Variants in UCK2 observed in about 807,000 individuals in gnomAD.
The protein encoded by UCK2 is cytidine monophosphokinase 2.
Under a neutral mutation model 30.8 loss-of-function variants are expected in UCK2, and 6 were observed. The ratio of observed to expected loss-of-function variants is 0.19; its 90% CI spans 0.11 to 0.38. UCK2 has a LOEUF of 0.38. Among genes scored for constraint, UCK2 ranks in the 10% least tolerant of loss-of-function variants. The pLI is 1.00. For missense variants in UCK2, 210 were observed against 339.8 expected, an observed-to-expected ratio of 0.62 and a Z score of 3.00; for synonymous variants, 125 against 133.6, an observed-to-expected ratio of 0.94 and a Z score of 0.45.
intron 4 of UCK2, among the ~76,000 whole-genome samples, chr1:165,899,489 A>C (rs1647384192): frequency 6.6e-6 from 1 of 152,146 alleles, no homozygotes; most frequent in Non-Finnish European, 1.5e-5. Context: ...AAAGTGATTG[A>C]CTTCACCATT....
intron 1 of UCK2, among the ~76,000 whole-genome samples, chr1:165,841,097 A>G (rs990728732): frequency 8.3e-5 from 11 of 132,310 alleles, no homozygotes; most frequent in East Asian, 2.4e-4. Context: ...GTGCACACGT[A>G]TGTGTGTGTG....
Position 165,856,543 on chromosome 1 carries a change from G to A in UCK2, c.99+28611G>A, listed in dbSNP as rs1415992363. ...TTAACCACACTACCCTTGGTTCTTA[G>A]TTTAAAAATTTAGTTGACATTCCTG... On this transcript the variant is annotated intron_variant, in intron 1 of 6. Transcript: ENST00000367879. 2.1e-5 allele frequency among the ~76,000 whole-genome samples: 3 copies of A among 143,500 alleles called. No individual in the cohort carries two copies. In the East Asian group the frequency reaches 6.2e-4, roughly 30 times the overall value. The allele number at this position is 143,500 out of a possible 152,430, so 94.1% of individuals were successfully genotyped here. A position where few individuals can be genotyped will look rare whatever the true frequency, so the allele number is the denominator to read the frequency against.
intron 1 of UCK2, among the ~76,000 whole-genome samples, chr1:165,871,729 T>TA (rs555239139): frequency 1.5e-4 from 22 of 148,098 alleles, no homozygotes; most frequent in East Asian, 7.8e-4. Flanking sequence ...AGAGGGAAGT[T>TA]AAAAAAAAAA....
At position 165,896,336 on chromosome 1, in the gene UCK2, C is replaced by T; in HGVS notation, c.499+4C>T. The T allele has an allele frequency of 1.9e-6, 3 of 1,613,816 alleles. No individual in the cohort carries two copies. The highest frequency in any genetic ancestry group is 2.5e-6 in the Non-Finnish European group (3 of 1,179,964). On this transcript the variant is annotated splice_donor_region_variant and intron_variant, in intron 4 of 6. Transcript: ENST00000367879. ...GACACCCGGCTCTCACGCAGAGGTG[C>T]GTTCTAAAAGCCTCAGGTGGCCCTG...
At chr1:165,835,097 A>G (rs1467901502) in intron 1 of UCK2, among the ~76,000 whole-genome samples, 2 of 152,046 alleles carry the variant, frequency 1.3e-5, no homozygotes, top group East Asian at 1.9e-4. Context: ...TAGAAGTCCA[A>G]AGTTCTGTGT....
chr1:165,873,632 C>T (rs1655257841), intron 1 of UCK2, among the ~76,000 whole-genome samples: 1 of 152,132 alleles, frequency 6.6e-6, no homozygotes, highest in Admixed American at 6.5e-5. Context: ...TCAGTAAAAC[C>T]TCCATATTCT....
rs1647538559 is a variant in UCK2 at position 165,903,205 on chromosome 1, G to A, written c.523G>A (p.Gly175Ser). Residue 175 changes from glycine (G) to serine (S), a missense_variant, in exon 5 of 7, where the codon GGC becomes AGC. Gly to Ser is a moderately conservative substitution (Grantham distance 56, BLOSUM62 0). Around this residue, in one of 4 missense-constraint regions of UCK2, gnomAD observed 47 missense variants for 128.7 expected, o/e 0.37. Coordinates refer to ENST00000367879, the MANE Select transcript of UCK2 (RefSeq NM_012474.5). Reference protein sequence around the residue: ...RRVLRDISERGRDLEQILSQY... With the variant: ...RRVLRDISERSRDLEQILSQY... ...AGTATTAAGGGACATCAGCGAGAGA[G>A]GCAGGGATCTTGAGCAGATTTTATC... 1 of 1,613,996 alleles carries A rather than the reference G, an allele frequency of 6.2e-7. No homozygotes were observed. Among genetic ancestry groups the A allele is most frequent in the Non-Finnish European group, 8.5e-7 (1 of 1,179,996 alleles).
intron 1 of UCK2, among the ~76,000 whole-genome samples, chr1:165,852,099 G>A (rs1218947141): frequency 2.6e-5 from 4 of 152,114 alleles, no homozygotes; most frequent in Non-Finnish European, 2.9e-5. Context: ...GTGCATACAC[G>A]GTAATGGGAT....
intron 2 of UCK2, 140 bp downstream of exon 2, chr1:165,890,503 G>T: frequency 8.5e-6 from 7 of 822,766 alleles, no homozygotes; most frequent in Non-Finnish European, 1.3e-5. Flanking sequence ...CTACCTTGCA[G>T]TGTTATTGTG....
chr1:165,871,750 G>A (rs1655201129), intron 1 of UCK2, among the ~76,000 whole-genome samples: 1 of 152,150 alleles, frequency 6.6e-6, no homozygotes, highest in African/African-American at 2.4e-5. Context: ...ATCTTTGGTT[G>A]AGGAAATTGT....
intron 1 of UCK2, among the ~76,000 whole-genome samples, chr1:165,863,515 G>A (rs1654972238): frequency 6.6e-6 from 1 of 152,210 alleles, no homozygotes; most frequent in Admixed American, 6.5e-5. Context: ...CCGTTTGTCT[G>A]GGAAAATGTG....
At chr1:165,907,043 G>A (rs1462797898) in intron 6 of UCK2, among the ~76,000 whole-genome samples, 2 of 152,114 alleles carry the variant, frequency 1.3e-5, no homozygotes, top group African/African-American at 4.8e-5. Context: ...ATTTGGGTTT[G>A]TCTTTTATTT....
At chr1:165,856,957 AG>A (rs76198333) in intron 1 of UCK2, among the ~76,000 whole-genome samples, 44,117 of 149,852 alleles carry the variant, frequency 0.29, 6,829 homozygotes, top group East Asian at 0.41. Context: ...GAGGCTCAGA[AG>A]GCAGGTATAC....
rs112821457 is a variant in UCK2 at position 165,867,230 on chromosome 1, T to C, written c.100-22974T>C. On this transcript the variant is annotated intron_variant, in intron 1 of 6. Coordinates refer to ENST00000367879, the MANE Select transcript of UCK2 (RefSeq NM_012474.5). ...AATGGTCATCTGAGCCTTCAGCAAGTTGTAATCTTTTTGCTGGTGGAGTGT... is the reference window on the plus strand; with the variant it reads ...AATGGTCATCTGAGCCTTCAGCAAGCTGTAATCTTTTTGCTGGTGGAGTGT... Among the ~76,000 whole-genome samples the C allele has an allele frequency of 9.0e-3, 1,364 of 152,368 alleles. 34 individuals carry two copies. The highest frequency in any genetic ancestry group is 0.031 in the African/African-American group (1,279 of 41,582).
intron 1 of UCK2, among the ~76,000 whole-genome samples, chr1:165,841,068 A>G (rs1428445037): frequency 6.7e-6 from 1 of 150,278 alleles, no homozygotes; most frequent in African/African-American, 2.5e-5. Flanking sequence ...AGCCTTGTAC[A>G]GGAGATATAT....
intron 1 of UCK2, among the ~76,000 whole-genome samples, chr1:165,886,339 G>A (rs1294451853): frequency 4.6e-5 from 7 of 151,972 alleles, no homozygotes; most frequent in Non-Finnish European, 1.0e-4. Flanking sequence ...CTGTTGCCCA[G>A]GCTGGAGTGC....
At chr1:165,876,297 G>C (rs1655333539) in intron 1 of UCK2, among the ~76,000 whole-genome samples, 2 of 152,204 alleles carry the variant, frequency 1.3e-5, no homozygotes, top group South Asian at 4.1e-4. Flanking sequence ...ACTGGATCTG[G>C]AAGTGACATC....
chr1:165,843,722 A>G (rs191189288), intron 1 of UCK2, among the ~76,000 whole-genome samples: 3 of 152,274 alleles, frequency 2.0e-5, no homozygotes, highest in African/African-American at 7.2e-5. Flanking sequence ...AGGGTGACAG[A>G]TGGAGAGACC....
chr1:165,832,826 C>T (rs1654084747), intron 1 of UCK2, among the ~76,000 whole-genome samples: 1 of 152,008 alleles, frequency 6.6e-6, no homozygotes, highest in Admixed American at 6.6e-5. Flanking sequence ...CTTCTGACCT[C>T]ATGATCCGCC....
Sources: gnomAD v4.1 joint callset for allele counts (sites outside exome capture counted in the v4.1 genomes callset) on GRCh38, gnomAD v4.1.1 for gene constraint, gnomAD v4.1.1 regional missense constraint, MANE v1.5 for transcripts, NCBI Gene and HGNC (gene_info 2026-07-23, HGNC 2026-07-21) for gene names.